Variants in CUL3 observed in about 807,000 individuals in gnomAD.
CUL3 encodes the protein cullin 3.
Under a neutral mutation model 89.1 loss-of-function variants are expected in CUL3, and 19 were observed. The observed-to-expected ratio is 0.21, with a 90% CI of 0.15 to 0.31. The LOEUF (loss-of-function observed/expected upper bound fraction) is 0.31, where lower values mean the gene tolerates loss of function less well. Among genes scored for constraint, CUL3 ranks in the 10% least tolerant of loss-of-function variants. The probability of loss-of-function intolerance (pLI) is 1.00; values close to 1 mark genes in which losing one functional copy is unlikely to be tolerated. For missense variants in CUL3, 469 were observed against 942.3 expected (o/e 0.50, Z 6.58); for synonymous variants, 351 against 308.4 (o/e 1.14, Z -1.45).
rs561025046 is a variant in CUL3 at position 224,489,153 on chromosome 2, A to C, written c.1842+6679T>G. Among the ~76,000 whole-genome samples, 9 of 152,390 alleles carry C rather than the reference A, an allele frequency of 5.9e-5. 2 individuals carry two copies. Among genetic ancestry groups the C allele is most frequent in the African/African-American group, 2.2e-4 (9 of 41,598 alleles). On this transcript the variant is annotated intron_variant, in intron 13 of 15. Transcript: ENST00000264414. The stretch of plus-strand genomic sequence containing the variant: ...ATGACAAACCCATAGCCAATATCAT[A>C]CTGAATGAACAAAAGCTGGAAGCAT...
chr2:224,583,202 A>G (rs1253600748), intron 1 of CUL3, among the ~76,000 whole-genome samples: 1 of 151,902 alleles, frequency 6.6e-6, no homozygotes, highest in Non-Finnish European at 1.5e-5. Context: ...ACATGGAGAA[A>G]CCTCGTCTCT....
rs1691165200 is a variant in CUL3, at chr2:224,472,421, TAAAA to T, written c.*1820_*1823del. The T allele has an allele frequency of 4.9e-6, 1 of 202,134 alleles. No homozygotes were observed. Among genetic ancestry groups the T allele is most frequent in the African/African-American group, 2.3e-5 (1 of 43,650 alleles). The allele number at this position is 202,134 out of a possible 1,614,324, so 12.5% of individuals were successfully genotyped here. On this transcript the variant is annotated 3_prime_UTR_variant, in exon 16 of 16. Coordinates refer to ENST00000264414, the MANE Select transcript of CUL3 (RefSeq NM_003590.5). ...TCATTTAACTGGGAAATGAAAGCAA[TAAAA>T]AAATTCTCAAACATGAACTACCATT...
chr2:224,512,937 C>G (rs1422386439), intron 5 of CUL3, among the ~76,000 whole-genome samples: 1 of 152,150 alleles, frequency 6.6e-6, no homozygotes. Context: ...TCCCCTACCA[C>G]CTTAGACAGC....
chr2:224,483,732 T>C (rs144447147), intron 13 of CUL3, among the ~76,000 whole-genome samples: 102 of 152,254 alleles, frequency 6.7e-4, no homozygotes, highest in Middle Eastern at 3.4e-3. Flanking sequence ...AAAAAGAGAT[T>C]AAAGCTACAA....
intron 4 of CUL3, among the ~76,000 whole-genome samples, 191 bp from the exon 5 acceptor site, chr2:224,513,829 G>A (rs532451557): frequency 6.6e-6 from 1 of 152,286 alleles, no homozygotes; most frequent in Non-Finnish European, 1.5e-5. Context: ...TATCTTGACT[G>A]CACAGCTATT....
chr2:224,562,483 C>T (rs1050596270), intron 1 of CUL3, among the ~76,000 whole-genome samples: 6 of 151,756 alleles, frequency 4.0e-5, no homozygotes, highest in Non-Finnish European at 8.8e-5. Context: ...ACTAAAAATA[C>T]AAAAAATAGC....
chr2:224,508,646 T>C (rs539723582), intron 6 of CUL3, among the ~76,000 whole-genome samples: 2 of 152,282 alleles, frequency 1.3e-5, no homozygotes, highest in South Asian at 4.1e-4. Flanking sequence ...TATCATTATT[T>C]CTACATACAC....
chr2:224,571,407 T>C (rs372661950), intron 1 of CUL3, among the ~76,000 whole-genome samples: 143 of 152,246 alleles, frequency 9.4e-4, no homozygotes, highest in African/African-American at 3.1e-3. Flanking sequence ...CATTCATCTA[T>C]GATAATGTAT....
intron 8 of CUL3, 65 bp from the exon 9 acceptor site, chr2:224,503,887 A>C (rs1383282014): frequency 8.3e-7 from 1 of 1,204,492 alleles, no homozygotes; most frequent in East Asian, 2.6e-5. Flanking sequence ...ACTACGGTTC[A>C]TTTACAGCTT....
intron 2 of CUL3, among the ~76,000 whole-genome samples, chr2:224,550,366 G>A (rs1413356174): frequency 6.6e-6 from 1 of 152,134 alleles, no homozygotes; most frequent in African/African-American, 2.4e-5. Context: ...GATAAGCTGT[G>A]GAATTTTCCA....
At chr2:224,550,435 G>T (rs1284204690) in intron 2 of CUL3, among the ~76,000 whole-genome samples, 1 of 152,102 alleles carries the variant, frequency 6.6e-6, no homozygotes, top group Non-Finnish European at 1.5e-5. Context: ...TGAATTTTTG[G>T]ATTAGGGATG....
intron 14 of CUL3, among the ~76,000 whole-genome samples, chr2:224,481,618 C>A (rs1421016387): frequency 1.3e-5 from 2 of 151,920 alleles, no homozygotes; most frequent in Non-Finnish European, 2.9e-5. Context: ...ATTTTAAGTA[C>A]CAATATGTTC....
intron 6 of CUL3, 49 bp downstream of exon 6, chr2:224,511,305 C>T (rs767424222): frequency 3.0e-6 from 4 of 1,337,256 alleles, no homozygotes; most frequent in South Asian, 2.8e-5. Context: ...TTAAAAATAT[C>T]GATAAGGCAG....
intron 3 of CUL3, among the ~76,000 whole-genome samples, chr2:224,515,608 C>T (rs1327423957): frequency 6.6e-6 from 1 of 152,104 alleles, no homozygotes; most frequent in African/African-American, 2.4e-5. Flanking sequence ...CATGAATCTA[C>T]AGGTTATAGC....
chr2:224,496,037 G>GTACA, intron 12 of CUL3, 71 bp from the exon 13 acceptor site: 1 of 1,445,132 alleles, frequency 6.9e-7, no homozygotes, highest in Non-Finnish European at 9.6e-7. Context: ...ATGTATGTAC[G>GTACA]TACATATGTA....
At chr2:224,561,203 C>G (rs1282837609) in intron 1 of CUL3, among the ~76,000 whole-genome samples, 1 of 152,170 alleles carries the variant, frequency 6.6e-6, no homozygotes, top group Non-Finnish European at 1.5e-5. Flanking sequence ...AATTCCTCAG[C>G]CTCTAAAACA....
intron 1 of CUL3, among the ~76,000 whole-genome samples, chr2:224,577,569 C>CAAAA (rs34800843): frequency 2.3e-5 from 3 of 133,302 alleles, no homozygotes; most frequent in Admixed American, 7.5e-5. Context: ...GACTCTGTCT[C>CAAAA]AAAAAAAAAA....
chr2:224,551,788 C>A (rs764946408), intron 2 of CUL3, among the ~76,000 whole-genome samples: 1 of 152,160 alleles, frequency 6.6e-6, no homozygotes, highest in Non-Finnish European at 1.5e-5. Context: ...AAAATACTGA[C>A]TATCTGGTCC....
intron 3 of CUL3, among the ~76,000 whole-genome samples, chr2:224,520,509 A>G (rs1693222394): frequency 6.6e-6 from 1 of 152,254 alleles, no homozygotes; most frequent in Non-Finnish European, 1.5e-5. Flanking sequence ...CTGAAAATAA[A>G]TAGCTTTTAA....
Sources: gnomAD v4.1 joint callset for allele counts (sites outside exome capture counted in the v4.1 genomes callset) on GRCh38, gnomAD v4.1.1 for gene constraint, MANE v1.5 for transcripts, NCBI Gene and HGNC (gene_info 2026-07-23, HGNC 2026-07-21) for gene names.